ANKRD28: variants seen among roughly 807,000 people sequenced by gnomAD.
The protein encoded by ANKRD28 is ankyrin repeat domain 28.
Under a neutral mutation model 126.5 loss-of-function variants are expected in ANKRD28, and 44 were observed. The observed-to-expected ratio is 0.35, with a 90% CI of 0.27 to 0.45. ANKRD28 has a LOEUF of 0.45. Ranked by LOEUF, ANKRD28 falls within the 20% of genes least tolerant of loss-of-function variation. The probability of loss-of-function intolerance (pLI) is 1.00; values close to 1 mark genes in which losing one functional copy is unlikely to be tolerated. For synonymous variants in ANKRD28, 442 were observed against 468.5 expected (o/e 0.94, Z 0.73); for missense variants, 1,110 against 1,316.6 (o/e 0.84, Z 2.43).
At chr3:15,751,420 C>T (rs903086577) in intron 4 of ANKRD28, among the ~76,000 whole-genome samples, 1 of 152,094 alleles carries the variant, frequency 6.6e-6, no homozygotes, top group African/African-American at 2.4e-5. Flanking sequence ...TTCTTGATCA[C>T]AATCAGTGAA....
chr3:15,692,586 T>G (rs990000629), intron 17 of ANKRD28, among the ~76,000 whole-genome samples: 7 of 152,218 alleles, frequency 4.6e-5, no homozygotes, highest in Admixed American at 3.9e-4. Context: ...ATGTCCAGTA[T>G]GACTAAAATT....
At position 15,686,283 on chromosome 3, in the gene ANKRD28, G is replaced by A. The variant is rs746294289; in HGVS notation, c.1990C>T (p.Arg664Trp). The A allele has an allele frequency of 1.4e-5, 22 of 1,587,074 alleles. No homozygotes were observed. The highest frequency in any genetic ancestry group is 1.9e-5 in the Non-Finnish European group (22 of 1,165,074). The stretch of plus-strand genomic sequence containing the variant: ...GGTTCTGCATTTCCTATTAATAGCC[G>A]TAAGCATTCTGAATGACCATTTGTT... Reference protein sequence around the residue: ...AATNGHSECLRLLIGNAEPQN... With the variant: ...AATNGHSECLWLLIGNAEPQN... The change falls in exon 19 of 28, where the codon CGG becomes TGG. Residue 664 changes from arginine (R) to tryptophan (W), a missense_variant. Coordinates refer to ENST00000683139, the MANE Select transcript of ANKRD28 (RefSeq NM_001349278.2).
In ANKRD28 at chr3:15,814,336, A is replaced by G; in HGVS notation, c.28-19030T>C. On this transcript the variant is annotated intron_variant, in intron 1 of 27. Coordinates refer to the ANKRD28 transcript ENST00000399451. The surrounding 1 kb of genome is among the most constrained non-coding windows in gnomAD (Gnocchi z 4.7). ...TGTAGCAGAAAACAGATATCAAAAG[A>G]AAGAATACGCTGATCCTAGAAATTA... 2 of 1,240,202 alleles carry G rather than the reference A, an allele frequency of 1.6e-6. No individual in the cohort carries two copies. Among genetic ancestry groups the G allele is most frequent in the Non-Finnish European group, 2.1e-6 (2 of 953,166 alleles). 76.8% of individuals were successfully genotyped at this position (1,240,202 alleles called of 1,614,324 possible). A position where few individuals can be genotyped will look rare whatever the true frequency, so the allele number is the denominator to read the frequency against.
chr3:15,735,119 G>C (rs982822852), intron 6 of ANKRD28, among the ~76,000 whole-genome samples: 3 of 152,140 alleles, frequency 2.0e-5, no homozygotes, highest in East Asian at 3.9e-4. Context: ...ATGGGTATAA[G>C]AATGGGCTTT....
In ANKRD28 at chr3:15,724,490, A is replaced by G. The variant is rs774452030; in HGVS notation, c.675T>C (p.His225=). Residue 225 remains histidine, a synonymous_variant, in exon 7 of 28, where the codon CAT becomes CAC. Transcript: ENST00000683139. The stretch of plus-strand genomic sequence containing the variant: ...TATCCTTGCATGTCACTTCAGCTCC[A>G]TGCGACACAAGCAATTTCACTACTT... The part of the protein sequence containing the change: ...HIEVVKLLVS[H]GAEVTCKDKK... 1 of 1,589,972 alleles carries G rather than the reference A, an allele frequency of 6.3e-7. No individual in the cohort carries two copies. The highest frequency in any genetic ancestry group is 8.6e-7 in the Non-Finnish European group (1 of 1,167,136).
intron 2 of ANKRD28, among the ~76,000 whole-genome samples, chr3:15,782,221 CT>C (rs963644169): frequency 2.6e-4 from 39 of 152,064 alleles, no homozygotes; most frequent in Admixed American, 9.8e-4. Context: ...ACAGAGTGTT[CT>C]GTTCCAACTA....
intron 3 of ANKRD28, 136 bp from the exon 4 acceptor site, chr3:15,751,956 C>A: frequency 3.5e-6 from 2 of 571,142 alleles, no homozygotes; most frequent in East Asian, 6.5e-5. Context: ...ACACTTTCTG[C>A]TGATAAAATT....
In ANKRD28 at chr3:15,815,323, TTA is replaced by T. The variant is rs1186337313; in HGVS notation, c.28-20019_28-20018del. Among the ~76,000 whole-genome samples, 3 of 152,180 alleles carry T rather than the reference TTA, an allele frequency of 2.0e-5. No homozygotes were observed. The highest frequency in any genetic ancestry group is 4.4e-5 in the Non-Finnish European group (3 of 68,022). ...CAACCACATTTCTTTTGTTTTTCTT[TTA>T]TGACAAAATTTTGCCCTGTCACCCA... On this transcript the variant is annotated intron_variant, in intron 1 of 27. Transcript: ENST00000399451. The surrounding 1 kb of genome is among the most constrained non-coding windows in gnomAD (Gnocchi z 4.1).
Position 15,853,663 on chromosome 3 carries a change from G to C in ANKRD28, c.27+5714C>G, listed in dbSNP as rs900372570. Among the ~76,000 whole-genome samples the C allele has an allele frequency of 3.3e-5, 5 of 152,118 alleles. No homozygotes were observed. The highest frequency in any genetic ancestry group is 1.2e-4 in the African/African-American group (5 of 41,500). On this transcript the variant is annotated intron_variant, in intron 1 of 27. Transcript: ENST00000399451. This position sits in a 1 kb window ranked among gnomAD's most constrained non-coding sequence, Gnocchi z 4.2. ...TTTTTGTATTTTTAGTAGAGATGGG[G>C]TTTCACCGTGTTAGCCAGGATGGTC...
At chr3:15,848,712 A>G (rs2061577824) in intron 1 of ANKRD28, among the ~76,000 whole-genome samples, 1 of 152,094 alleles carries the variant, frequency 6.6e-6, no homozygotes, top group South Asian at 2.1e-4. Flanking sequence ...AACAATCAAT[A>G]AATTAGAAAT....
chr3:15,670,134 C>A lies in ANKRD28; in HGVS notation c.*136G>T. 1.0e-6 allele frequency: 1 copy of A among 960,788 alleles called. No homozygotes were observed. The highest frequency in any genetic ancestry group is 1.5e-6 in the Non-Finnish European group (1 of 659,218). The allele number at this position is 960,788 out of a possible 1,614,324, so 59.5% of individuals were successfully genotyped here. On this transcript the variant is annotated 3_prime_UTR_variant, in exon 28 of 28. Transcript: ENST00000683139. Reference sequence around the variant, plus strand: ...CCTTTAAAACTCTTCCTCCTAATGCCATCAGATCTCTTAACATTGGCTCAC... The same window carrying A: ...CCTTTAAAACTCTTCCTCCTAATGCAATCAGATCTCTTAACATTGGCTCAC...
intron 1 of ANKRD28, among the ~76,000 whole-genome samples, chr3:15,810,502 T>C (rs937235854): frequency 6.6e-6 from 1 of 151,902 alleles, no homozygotes; most frequent in Non-Finnish European, 1.5e-5. Context: ...TGAAACTATA[T>C]CTAATATTTA....
At chr3:15,674,061 A>G (rs1208465095) in intron 27 of ANKRD28, among the ~76,000 whole-genome samples, 1 of 147,656 alleles carries the variant, frequency 6.8e-6, no homozygotes, top group Admixed American at 6.9e-5. Context: ...AGTGCTAGCT[A>G]CTTGGGAGGC....
In ANKRD28 at chr3:15,796,610, C is replaced by T. The variant is rs1419927081; in HGVS notation, c.-89G>A. ...TAGTTTTTCCTCCTCTTCTGTACAACACTTACAAACATTCTCTGAACAGCA... is the reference window on the plus strand; with the variant it reads ...TAGTTTTTCCTCCTCTTCTGTACAATACTTACAAACATTCTCTGAACAGCA... On this transcript the variant is annotated 5_prime_UTR_variant, in exon 1 of 28. Transcript: ENST00000683139. 1.8e-6 allele frequency: 2 copies of T among 1,118,240 alleles called. No individual in the cohort carries two copies. The highest frequency in any genetic ancestry group is 2.2e-6 in the Non-Finnish European group (2 of 899,262). The allele number at this position is 1,118,240 out of a possible 1,614,324, so 69.3% of individuals were successfully genotyped here.
intron 14 of ANKRD28, chr3:15,697,222 G>C (rs2069729815): frequency 6.6e-6 from 1 of 152,508 alleles, no homozygotes; most frequent in African/African-American, 2.4e-5. Context: ...TCGCTCATAA[G>C]TGGGAGCTAT....
In ANKRD28 at chr3:15,694,169, A is replaced by T. The variant is rs184395041; in HGVS notation, c.1761+570T>A. On this transcript the variant is annotated intron_variant, in intron 17 of 27. Coordinates refer to ENST00000683139, the MANE Select transcript of ANKRD28 (RefSeq NM_001349278.2). ...AATAAATTCTCATTTGACTTAAAAAATTGTCACATTCTTCCCTAACCTTCT... is the reference window on the plus strand; with the variant it reads ...AATAAATTCTCATTTGACTTAAAAATTTGTCACATTCTTCCCTAACCTTCT... Among the ~76,000 whole-genome samples the T allele has an allele frequency of 1.7e-3, 254 of 152,242 alleles. 2 individuals are homozygous for T. Among genetic ancestry groups the T allele is most frequent in the Non-Finnish European group, 2.8e-3 (189 of 67,982 alleles).
intron 1 of ANKRD28, among the ~76,000 whole-genome samples, chr3:15,824,924 T>C (rs2125919316): frequency 6.6e-6 from 1 of 152,292 alleles, no homozygotes; most frequent in Non-Finnish European, 1.5e-5. Context: ...TGGCAATCAC[T>C]AGCAAAATTT....
At chr3:15,740,110 G>A (rs1366207315) in intron 4 of ANKRD28, among the ~76,000 whole-genome samples, 3 of 152,146 alleles carry the variant, frequency 2.0e-5, no homozygotes, top group South Asian at 2.1e-4. Context: ...TCTCAAAAAC[G>A]TTGAACAAAA....
chr3:15,706,866 C>A (rs958193164), intron 14 of ANKRD28, among the ~76,000 whole-genome samples: 1 of 152,042 alleles, frequency 6.6e-6, no homozygotes, highest in Non-Finnish European at 1.5e-5. Context: ...TTTCATGTGT[C>A]TGTTGGCTGC....
Sources: allele counts gnomAD v4.1 joint callset (sites outside exome capture counted in the v4.1 genomes callset), GRCh38; gene constraint gnomAD v4.1.1; non-coding constraint Gnocchi (gnomAD v3.1); transcripts MANE v1.5; gene names NCBI Gene and HGNC (gene_info 2026-07-23, HGNC 2026-07-21).